The following NOTCH1 variants were observed in gnomAD, a reference collection of about 807,000 sequenced individuals.
The protein encoded by NOTCH1 is neurogenic locus notch homolog protein 1.
NOTCH1 carries 37 observed loss-of-function variants against 254.8 expected under a neutral mutation model. The observed-to-expected ratio is 0.15, with a 90% CI of 0.11 to 0.19. NOTCH1 has a LOEUF of 0.19. NOTCH1 is among the 10% of genes least tolerant of loss of function. NOTCH1 has a pLI of 1.00. For synonymous variants in NOTCH1, 1,731 were observed against 1,618.1 expected (o/e 1.07, Z -1.68); for missense variants, 2,972 against 3,708.6 (o/e 0.80, Z 5.16).
intron 2 of NOTCH1, among the ~76,000 whole-genome samples, chr9:136,527,835 G>A (rs943276311): frequency 5.3e-5 from 8 of 152,164 alleles, no homozygotes; most frequent in African/African-American, 1.9e-4. Context: ...CTCCAGGAGG[G>A]CTGCGGGGGG....
In NOTCH1 at chr9:136,497,071, A is replaced by T; in HGVS notation, c.6668T>A (p.Phe2223Tyr). 6.2e-6 allele frequency: 10 copies of T among 1,609,772 alleles called. No homozygotes were observed. The highest frequency in any genetic ancestry group is 8.5e-6 in the Non-Finnish European group (10 of 1,178,100). The change falls in exon 34 of 34, where the codon TTC becomes TAC. Residue 2223 changes from phenylalanine (F) to tyrosine (Y), a missense_variant. Transcript: ENST00000651671. ...GAGGGGCACGGACGGAGACTGCTGG[A>T]ACGGGGAGGGCAGCAGTGGCGGCGA... ...VASPPLLPSP[F>Y]QQSPSVPLNH...
Position 136,500,839 on chromosome 9 carries a change from T to A in NOTCH1, c.5647A>T (p.Thr1883Ser), listed in dbSNP as rs2133326841. 6.3e-7 allele frequency: 1 copy of A among 1,593,412 alleles called. No homozygotes were observed. Among genetic ancestry groups the A allele is most frequent in the Non-Finnish European group, 8.5e-7 (1 of 1,177,686 alleles). ...DVNVRGPDGF[T>S]PLMIASCSGG... Reference sequence around the variant, plus strand: ...CTGCAGGAGGCGATCATGAGCGGGGTGAAGCCATCTGCAGAGGCAGAGACG... The same window carrying A: ...CTGCAGGAGGCGATCATGAGCGGGGAGAAGCCATCTGCAGAGGCAGAGACG... The change falls in exon 31 of 34, where the codon ACC (threonine) becomes TCC (serine). Residue 1883 changes from threonine (T) to serine (S), a missense_variant. This residue lies in a region of NOTCH1 where 421 missense variants were observed against 604.4 expected (regional missense o/e 0.70). Transcript: ENST00000651671.
chr9:136,505,080 C>T lies in NOTCH1; in HGVS notation c.4611G>A (p.Lys1537=), dbSNP rs1280139694. 6.2e-7 allele frequency: 1 copy of T among 1,610,614 alleles called. No homozygotes were observed. Among genetic ancestry groups the T allele is most frequent in the Non-Finnish European group, 8.5e-7 (1 of 1,179,690 alleles). ...QCNPLYDQYC[K]DHFSDGHCDQ... is the part of the protein sequence containing the mutation. ...CGCAGTGCCCGTCGCTGAAGTGGTC[C>T]TTGCAGTACTGGTCGTACAGGGGGC... The change falls in exon 26 of 34, where the codon AAG becomes AAA. Residue 1537 remains lysine, a synonymous_variant. Transcript: ENST00000651671.
intron 25 of NOTCH1, 45 bp from the exon 26 acceptor site, chr9:136,505,149 T>A (rs1265980005): frequency 6.3e-7 from 1 of 1,575,772 alleles, no homozygotes; most frequent in Non-Finnish European, 8.6e-7. Context: ...TCGGGGGGCC[T>A]CGCACCCGCC....
chr9:136,525,911 G>A (rs1843452314), intron 2 of NOTCH1, among the ~76,000 whole-genome samples: 1 of 152,256 alleles, frequency 6.6e-6, no homozygotes, highest in Admixed American at 6.5e-5. Flanking sequence ...GGGCCACTCT[G>A]GCCGACCATC....
chr9:136,514,678 T>C lies in NOTCH1; in HGVS notation c.2039A>G (p.Asp680Gly), dbSNP rs2133361218. Residue 680 changes from aspartate (D) to glycine (G), a missense_variant, in exon 13 of 34, where the codon GAT becomes GGT. Transcript: ENST00000651671. The part of the protein sequence containing the change: ...YTGSMCNINI[D>G]ECAGNPCHNG... The stretch of plus-strand genomic sequence containing the variant: ...GTGGCAGGGGTTGCCCGCACACTCA[T>C]CGATGTTGATGTTACACATGCTCCC... 1 of 1,612,478 alleles carries C rather than the reference T, an allele frequency of 6.2e-7. No homozygotes were observed. Among genetic ancestry groups the C allele is most frequent in the Non-Finnish European group, 8.5e-7 (1 of 1,179,884 alleles).
At chr9:136,542,927 G>C (rs926397780) in intron 2 of NOTCH1, 2 of 152,596 alleles carry the variant, frequency 1.3e-5, no homozygotes, top group African/African-American at 4.8e-5. Flanking sequence ...CCCCACGGCT[G>C]ATGGGCACTC....
In NOTCH1 at chr9:136,501,921, G is replaced by T. The variant is rs1353579181; in HGVS notation, c.5473-8C>A. The T allele has an allele frequency of 6.2e-7, 1 of 1,611,570 alleles. No individual in the cohort carries two copies. The highest frequency in any genetic ancestry group is 8.5e-7 in the Non-Finnish European group (1 of 1,179,962). Reference sequence around the variant, plus strand: ...AACCACGGGCTCCTCGAACTACATAGAGGGAGTGAGCAGAGCCTGTCAGGG... The same window carrying T: ...AACCACGGGCTCCTCGAACTACATATAGGGAGTGAGCAGAGCCTGTCAGGG... On this transcript the variant is annotated splice_polypyrimidine_tract_variant and splice_region_variant and intron_variant, in intron 29 of 33. Coordinates refer to ENST00000651671, the MANE Select transcript of NOTCH1 (RefSeq NM_017617.5).
chr9:136,545,712 G>A lies in NOTCH1; in HGVS notation c.61+14C>T, dbSNP rs1425831389. On this transcript the variant is annotated intron_variant, in intron 1 of 33. Transcript: ENST00000651671. This position sits in a 1 kb window ranked among gnomAD's most constrained non-coding sequence, Gnocchi z 6.8. ...GCGCGGAAAGTGGGGGCTCGCGGGT[G>A]GGTGGGCGCCTACCTCGTGCGGCGA... The A allele has an allele frequency of 1.4e-6, 2 of 1,440,378 alleles. No individual in the cohort carries two copies. Among genetic ancestry groups the A allele is most frequent in the Admixed American group, 5.5e-5 (2 of 36,266 alleles). The allele number at this position is 1,440,378 out of a possible 1,614,324, so 89.2% of individuals were successfully genotyped here. A position where few individuals can be genotyped will look rare whatever the true frequency, so the allele number is the denominator to read the frequency against.
chr9:136,534,643 TG>T (rs147131666), intron 2 of NOTCH1, among the ~76,000 whole-genome samples: 2 of 152,008 alleles, frequency 1.3e-5, no homozygotes, highest in Admixed American at 6.5e-5. Context: ...GCAGGCGCTG[TG>T]GGGGTTGGGT....
Position 136,504,674 on chromosome 9 carries a change from C to G in NOTCH1, c.5017G>C (p.Gly1673Arg), listed in dbSNP as rs1226514285. ...CCGTGGGCGCCGGGTCTCACTCACCCGCGGACGTCCATGGGGTCCAGCTCC... is the reference window on the plus strand; with the variant it reads ...CCGTGGGCGCCGGGTCTCACTCACCGGCGGACGTCCATGGGGTCCAGCTCC... ...RRELDPMDVRGSIVYLEIDNR... is the reference protein window; with the variant it reads ...RRELDPMDVRRSIVYLEIDNR... Residue 1673 changes from glycine (G) to arginine (R), a missense_variant and splice_region_variant, in exon 26 of 34, where the codon GGC (glycine) becomes CGC (arginine). Gly to Arg is a moderately radical substitution (Grantham distance 125). Around this residue, in one of 8 missense-constraint regions of NOTCH1, gnomAD observed 1,343 missense variants for 1,557.0 expected, o/e 0.86. Transcript: ENST00000651671. The G allele has an allele frequency of 1.3e-6, 2 of 1,509,862 alleles. No individual in the cohort carries two copies. Among genetic ancestry groups the G allele is most frequent in the Non-Finnish European group, 1.8e-6 (2 of 1,125,922 alleles). The allele number at this position is 1,509,862 out of a possible 1,614,324, so 93.5% of individuals were successfully genotyped here.
At chr9:136,522,071 G>T (rs189521667) in intron 4 of NOTCH1, among the ~76,000 whole-genome samples, 1 of 149,796 alleles carries the variant, frequency 6.7e-6, no homozygotes, top group Non-Finnish European at 1.5e-5. Context: ...TCCGCCTCCC[G>T]GGTTCAAGTG....
At chr9:136,531,354 A>G (rs2133388992) in intron 2 of NOTCH1, among the ~76,000 whole-genome samples, 1 of 152,294 alleles carries the variant, frequency 6.6e-6, no homozygotes, top group East Asian at 1.9e-4. Flanking sequence ...GCTGATGGGG[A>G]CCAGAGCGGG....
chr9:136,515,819 C>T (rs1168172233), intron 10 of NOTCH1, 103 bp from the exon 11 acceptor site: 4 of 1,243,294 alleles, frequency 3.2e-6, no homozygotes, highest in South Asian at 1.3e-5. Context: ...AGGAGGGCTC[C>T]GAGCGTGGCA....
chr9:136,510,855 A>G, intron 16 of NOTCH1, 50 bp from the exon 17 acceptor site: 1 of 1,600,530 alleles, frequency 6.2e-7, no homozygotes, highest in Non-Finnish European at 8.5e-7. Flanking sequence ...CTGGCCCTCC[A>G]GGCCCTTCCC....
At chr9:136,519,253 G>A (rs926078864) in intron 5 of NOTCH1, among the ~76,000 whole-genome samples, 190 bp downstream of exon 5, 2 of 152,210 alleles carry the variant, frequency 1.3e-5, no homozygotes, top group Non-Finnish European at 2.9e-5. Context: ...GCTGACCCCC[G>A]AGGTGAGGGG....
At chr9:136,526,970 C>T (rs541432420) in intron 2 of NOTCH1, among the ~76,000 whole-genome samples, 2 of 152,300 alleles carry the variant, frequency 1.3e-5, no homozygotes, top group African/African-American at 4.8e-5. Flanking sequence ...GCCTGGGCAT[C>T]GGACACCACA....
At chr9:136,505,151 G>A (rs766714178) in intron 25 of NOTCH1, 47 bp from the exon 26 acceptor site, 9 of 1,566,676 alleles carry the variant, frequency 5.7e-6, no homozygotes, top group African/African-American at 2.7e-5. Flanking sequence ...GGGGGGCCTC[G>A]CACCCGCCGT....
chr9:136,525,389 G>A (rs3125012), intron 2 of NOTCH1, among the ~76,000 whole-genome samples: 62,606 of 151,890 alleles, frequency 0.41, 14,016 homozygotes, highest in East Asian at 0.8. Flanking sequence ...CTGGCCTTGC[G>A]CTCCGGGAAA....
Sources: gnomAD v4.1 joint callset for allele counts (sites outside exome capture counted in the v4.1 genomes callset) on GRCh38, gnomAD v4.1.1 for gene constraint, gnomAD v4.1.1 regional missense constraint, Gnocchi (gnomAD v3.1) non-coding constraint, MANE v1.5 for transcripts, NCBI Gene and HGNC (gene_info 2026-07-23, HGNC 2026-07-21) for gene names.